The following ZBTB16 variants were observed in gnomAD, a reference collection of about 807,000 sequenced individuals.
ZBTB16 encodes zinc finger and BTB domain-containing protein 16.
ZBTB16 carries 8 observed loss-of-function variants against 56.8 expected under a neutral mutation model. The ratio of observed to expected loss-of-function variants is 0.14; its 90% CI spans 0.08 to 0.25. ZBTB16 has a LOEUF of 0.25. ZBTB16 is among the 10% of genes least tolerant of loss of function. The pLI, the probability that ZBTB16 is intolerant of heterozygous loss-of-function variation, is 1.00. For missense variants in ZBTB16, 625 were observed against 903.0 expected (o/e 0.69, Z 3.95); for synonymous variants, 363 against 368.5 (o/e 0.98, Z 0.17).
chr11:114,070,399 C>T (rs1284008188), intron 2 of ZBTB16, among the ~76,000 whole-genome samples: 2 of 152,132 alleles, frequency 1.3e-5, no homozygotes, highest in East Asian at 1.9e-4. Flanking sequence ...TGAGCCACCG[C>T]GCCCGGCCCA....
chr11:114,079,828 AGGG>A (rs1939696790), intron 2 of ZBTB16, among the ~76,000 whole-genome samples: 1 of 152,144 alleles, frequency 6.6e-6, no homozygotes, highest in Non-Finnish European at 1.5e-5. Flanking sequence ...GACAAGGCCA[AGGG>A]GCTTTTGATT....
intron 3 of ZBTB16, among the ~76,000 whole-genome samples, chr11:114,163,791 A>G (rs895345926): frequency 6.6e-6 from 1 of 152,102 alleles, no homozygotes; most frequent in South Asian, 2.1e-4. Flanking sequence ...GGATCCCAGC[A>G]TCTCCTCCCA....
chr11:114,151,349 G>A (rs1290140533), intron 2 of ZBTB16, among the ~76,000 whole-genome samples: 1 of 152,180 alleles, frequency 6.6e-6, no homozygotes, highest in Non-Finnish European at 1.5e-5. Flanking sequence ...TTCAGAGGAT[G>A]GCTCAGTTAG....
At chr11:114,062,592 G>C (rs1248020342) in intron 1 of ZBTB16, among the ~76,000 whole-genome samples, 1 of 152,236 alleles carries the variant, frequency 6.6e-6, no homozygotes, top group Admixed American at 6.5e-5. Flanking sequence ...GCAGCCCTGA[G>C]AACAGTAGAA....
At chr11:114,077,921 C>T (rs1939627681) in intron 2 of ZBTB16, among the ~76,000 whole-genome samples, 2 of 152,164 alleles carry the variant, frequency 1.3e-5, no homozygotes, top group South Asian at 2.1e-4. Context: ...CACTGATAAC[C>T]CCTGTGGTCT....
intron 2 of ZBTB16, among the ~76,000 whole-genome samples, chr11:114,141,631 G>C (rs1413583622): frequency 6.6e-6 from 1 of 152,194 alleles, no homozygotes; most frequent in Non-Finnish European, 1.5e-5. Flanking sequence ...ACTGAGACTT[G>C]GAGGATCCCA....
At chr11:114,185,559 G>A (rs1943341614) in intron 3 of ZBTB16, among the ~76,000 whole-genome samples, 1 of 152,246 alleles carries the variant, frequency 6.6e-6, no homozygotes. Flanking sequence ...AACGTGTGAG[G>A]AATCAGGTGG....
At chr11:114,062,937 T>G (rs1441145156) in intron 1 of ZBTB16, among the ~76,000 whole-genome samples, 1 of 152,208 alleles carries the variant, frequency 6.6e-6, no homozygotes, top group Non-Finnish European at 1.5e-5. Context: ...CAATTTTCAT[T>G]TCACTTCATC....
At chr11:114,135,663 C>T (rs556101518) in intron 2 of ZBTB16, among the ~76,000 whole-genome samples, 98 of 152,334 alleles carry the variant, frequency 6.4e-4, no homozygotes, top group African/African-American at 2.2e-3. Flanking sequence ...CCATTTTGAA[C>T]TCCTTCCCTA....
chr11:114,241,400 G>A (rs571259270), intron 4 of ZBTB16, among the ~76,000 whole-genome samples: 127 of 152,274 alleles, frequency 8.3e-4, no homozygotes, highest in Non-Finnish European at 1.5e-3. Flanking sequence ...GGAGGCGAGC[G>A]AGTGAAACTG....
intron 2 of ZBTB16, among the ~76,000 whole-genome samples, chr11:114,109,075 G>A (rs1219145837): frequency 6.6e-6 from 1 of 152,216 alleles, no homozygotes; most frequent in South Asian, 2.1e-4. Context: ...CTGAGACCTG[G>A]CACTGCAGGA....
intron 2 of ZBTB16, among the ~76,000 whole-genome samples, chr11:114,153,151 T>C (rs1423083181): frequency 6.6e-6 from 1 of 152,232 alleles, no homozygotes; most frequent in African/African-American, 2.4e-5. Flanking sequence ...TCCTCCACCA[T>C]TATTTTCTTT....
intron 4 of ZBTB16, 111 bp from the exon 5 acceptor site, chr11:114,242,056 G>A: frequency 2.1e-6 from 3 of 1,423,130 alleles, no homozygotes; most frequent in Non-Finnish European, 1.9e-6. Flanking sequence ...TTGCCCCTGA[G>A]CATGGGGATT....
At chr11:114,178,475 T>A (rs969810331) in intron 3 of ZBTB16, among the ~76,000 whole-genome samples, 2 of 152,202 alleles carry the variant, frequency 1.3e-5, no homozygotes, top group African/African-American at 4.8e-5. Flanking sequence ...CAGAGTTTGT[T>A]TGATTCCAGA....
chr11:114,084,345 G>A (rs543416451), intron 2 of ZBTB16, among the ~76,000 whole-genome samples: 138 of 152,130 alleles, frequency 9.1e-4, no homozygotes, highest in Non-Finnish European at 1.7e-3. Context: ...ATTTGGAGGC[G>A]GTGGCTTACA....
chr11:114,241,469 A>T (rs1944701175), intron 4 of ZBTB16, among the ~76,000 whole-genome samples: 1 of 152,198 alleles, frequency 6.6e-6, no homozygotes, highest in African/African-American at 2.4e-5. Flanking sequence ...CATGAACCCT[A>T]TTGGGAACTG....
At chr11:114,073,529 G>T (rs1453568226) in intron 2 of ZBTB16, among the ~76,000 whole-genome samples, 1 of 152,098 alleles carries the variant, frequency 6.6e-6, no homozygotes, top group African/African-American at 2.4e-5. Flanking sequence ...TGCAAGGAGG[G>T]GATCCGGTAC....
rs1335503365 is a variant in ZBTB16, at chr11:114,247,281, G to T, written c.1708G>T (p.Gly570Cys). 2 of 1,614,250 alleles carry T rather than the reference G, an allele frequency of 1.2e-6. No individual in the cohort carries two copies. The highest frequency in any genetic ancestry group is 2.2e-5 in the South Asian group (2 of 91,086). ...TLKSHKRIHT[G>C]EKPYECNGCG... Reference sequence around the variant, plus strand: ...CAAGAGCCACAAACGCATCCACACGGGTGAGAAACCCTACGAGTGCAATGG... The same window carrying T: ...CAAGAGCCACAAACGCATCCACACGTGTGAGAAACCCTACGAGTGCAATGG... Residue 570 changes from glycine (G) to cysteine (C), a missense_variant, in exon 6 of 7, where the codon GGT (glycine) becomes TGT (cysteine). Gly to Cys is a radical substitution (Grantham distance 159). Transcript: ENST00000335953.
intron 4 of ZBTB16, among the ~76,000 whole-genome samples, chr11:114,224,500 C>T (rs777024357): frequency 6.6e-6 from 1 of 152,136 alleles, no homozygotes; most frequent in Non-Finnish European, 1.5e-5. Flanking sequence ...GCCTAGGAGG[C>T]ATGTGGGTAT....
Sources: gnomAD v4.1 joint callset for allele counts (sites outside exome capture counted in the v4.1 genomes callset) on GRCh38, gnomAD v4.1.1 for gene constraint, MANE v1.5 for transcripts, NCBI Gene and HGNC (gene_info 2026-07-23, HGNC 2026-07-21) for gene names.